EPC1: variants seen among roughly 807,000 people sequenced by gnomAD.
The protein encoded by EPC1 is enhancer of polycomb 1.
EPC1 carries 12 observed loss-of-function variants against 98.4 expected under a neutral mutation model. The ratio of observed to expected loss-of-function variants is 0.12; its 90% CI spans 0.08 to 0.20. EPC1 has a LOEUF of 0.20. Ranked by LOEUF, EPC1 falls within the 10% of genes least tolerant of loss-of-function variation. The pLI is 1.00. For synonymous variants in EPC1, 357 were observed against 363.9 expected, an observed-to-expected ratio of 0.98 and a Z score of 0.21; for missense variants, 729 against 990.5, an observed-to-expected ratio of 0.74 and a Z score of 3.54.
In EPC1 at chr10:32,364,142, G is replaced by A. The variant is rs183574076; in HGVS notation, c.3+14349C>T. ...TGATTCTCCTGTCTTAGCCTCCCAA[G>A]TAGATAGGATTACAGGTGCCCACCA... On this transcript the variant is annotated intron_variant, in intron 1 of 13. Transcript: ENST00000375110. Among the ~76,000 whole-genome samples, 306 of 149,690 alleles carry A rather than the reference G, an allele frequency of 2.0e-3. 2 individuals carry two copies. Among genetic ancestry groups the A allele is most frequent in the African/African-American group, 7.1e-3 (290 of 40,850 alleles).
chr10:32,330,329 C>G (rs1837567882), intron 1 of EPC1, among the ~76,000 whole-genome samples: 1 of 152,142 alleles, frequency 6.6e-6, no homozygotes, highest in African/African-American at 2.4e-5. Context: ...CTTTTGCTAG[C>G]CTGTCTACAC....
chr10:32,373,846 T>C lies in EPC1; in HGVS notation c.3+4645A>G, dbSNP rs1839816066. ...TATTGAACCAAACCTAGAACTCACT[T>C]GCCACCTGATTACATATTTAGTTGA... On this transcript the variant is annotated intron_variant, in intron 1 of 13. Coordinates refer to the EPC1 transcript ENST00000375110. 2.0e-5 allele frequency among the ~76,000 whole-genome samples: 3 copies of C among 152,230 alleles called. 1 individual carries two copies. In the South Asian group the frequency reaches 6.2e-4, roughly 32 times the overall value.
intron 1 of EPC1, among the ~76,000 whole-genome samples, chr10:32,330,052 A>C (rs1319770213): frequency 3.9e-5 from 6 of 152,226 alleles, no homozygotes; most frequent in Non-Finnish European, 8.8e-5. Flanking sequence ...AAAAGGACAT[A>C]GGAGCCAGAT....
intron 6 of EPC1, among the ~76,000 whole-genome samples, chr10:32,290,501 A>AG (rs1316605796): frequency 1.7e-4 from 6 of 36,226 alleles, no homozygotes; most frequent in African/African-American, 6.2e-4. Context: ...AAAAAAAAAA[A>AG]AAAAAAAGAA....
intron 1 of EPC1, among the ~76,000 whole-genome samples, chr10:32,314,421 T>C (rs1836434586): frequency 6.6e-6 from 1 of 152,228 alleles, no homozygotes; most frequent in African/African-American, 2.4e-5. Context: ...GCCTGCCTAG[T>C]GCAATAGAAG....
At chr10:32,327,396 G>A (rs74128065) in intron 1 of EPC1, among the ~76,000 whole-genome samples, 2,943 of 152,262 alleles carry the variant, frequency 0.019, 104 homozygotes, top group African/African-American at 0.067. Flanking sequence ...GGACAGTAGA[G>A]TGACTATTGC....
chr10:32,309,062 C>T (rs1157297655), intron 1 of EPC1, among the ~76,000 whole-genome samples: 1 of 152,068 alleles, frequency 6.6e-6, no homozygotes, highest in Non-Finnish European at 1.5e-5. Flanking sequence ...TATTCTCGCT[C>T]ATTATGTGGG....
intron 1 of EPC1, among the ~76,000 whole-genome samples, chr10:32,323,552 T>C (rs1837068792): frequency 6.6e-6 from 1 of 152,210 alleles, no homozygotes; most frequent in Non-Finnish European, 1.5e-5. Flanking sequence ...TATCTAAGTA[T>C]ATAAAAGATA....
At chr10:32,319,479 C>A (rs990129223) in intron 1 of EPC1, among the ~76,000 whole-genome samples, 1 of 152,122 alleles carries the variant, frequency 6.6e-6, no homozygotes, top group Non-Finnish European at 1.5e-5. Flanking sequence ...CAGTGAGGTG[C>A]AGATGCATCT....
chr10:32,328,278 G>A (rs1305227680), intron 1 of EPC1, among the ~76,000 whole-genome samples: 3 of 152,110 alleles, frequency 2.0e-5, no homozygotes, highest in Non-Finnish European at 4.4e-5. Context: ...AATGCTCTGA[G>A]GAAAAGAAAA....
In EPC1 at chr10:32,271,614, G is replaced by A; in HGVS notation, c.2309C>T (p.Ala770Val). The A allele has an allele frequency of 6.2e-7, 1 of 1,614,204 alleles. No homozygotes were observed. Among genetic ancestry groups the A allele is most frequent in the South Asian group, 1.1e-5 (1 of 91,086 alleles). Residue 770 changes from alanine (A) to valine (V), a missense_variant, in exon 13 of 14, where the codon GCT (alanine) becomes GTT (valine). Transcript: ENST00000319778. ...CTTGGAAACTTGACAGTTTGCTGCAGCGGCCAGCTTTAAGGCAGATGATGG... is the reference window on the plus strand; with the variant it reads ...CTTGGAAACTTGACAGTTTGCTGCAACGGCCAGCTTTAAGGCAGATGATGG... The part of the protein sequence containing the change: ...AVPSSALKLA[A>V]AANCQVSKVP...
At chr10:32,341,719 A>G (rs2133035915) in intron 1 of EPC1, among the ~76,000 whole-genome samples, 1 of 152,324 alleles carries the variant, frequency 6.6e-6, no homozygotes, top group East Asian at 1.9e-4. Context: ...TTCTGTATTC[A>G]AGAATCCTTA....
intron 8 of EPC1, 40 bp downstream of exon 8, chr10:32,286,886 G>T (rs1335892540): frequency 6.2e-7 from 1 of 1,610,572 alleles, no homozygotes; most frequent in Non-Finnish European, 8.5e-7. Flanking sequence ...TCAGTTAAAG[G>T]TAAATAGTTT....
chr10:32,360,934 G>A (rs1461017567), intron 1 of EPC1, among the ~76,000 whole-genome samples: 1 of 151,830 alleles, frequency 6.6e-6, no homozygotes, highest in Non-Finnish European at 1.5e-5. Context: ...AATCAATGTG[G>A]TCTCTCTAAC....
At chr10:32,349,418 T>C (rs1839046345), upstream of EPC1, among the ~76,000 whole-genome samples, 1 of 152,202 alleles carries the variant, frequency 6.6e-6, no homozygotes, top group East Asian at 1.9e-4. Context: ...CAGATTCACT[T>C]GCCTTTTGGC....
intron 11 of EPC1, 131 bp from the exon 12 acceptor site, chr10:32,272,298 G>A (rs1261998909): frequency 1.0e-5 from 7 of 689,016 alleles, no homozygotes; most frequent in African/African-American, 1.8e-5. Context: ...TTTCTATTTT[G>A]GTACCTTGAG....
chr10:32,301,295 T>A (rs996258973), intron 2 of EPC1, among the ~76,000 whole-genome samples: 47 of 152,308 alleles, frequency 3.1e-4, no homozygotes, highest in African/African-American at 1.1e-3. Context: ...ACCTGAATAC[T>A]TCAAGTGTCA....
chr10:32,309,364 T>A (rs1836063882), intron 1 of EPC1, among the ~76,000 whole-genome samples: 1 of 152,190 alleles, frequency 6.6e-6, no homozygotes, highest in African/African-American at 2.4e-5. Context: ...ACACATTGTA[T>A]GCCCCTATCA....
At chr10:32,373,592 A>G (rs1177330164) in intron 1 of EPC1, among the ~76,000 whole-genome samples, 5 of 152,150 alleles carry the variant, frequency 3.3e-5, no homozygotes, top group Non-Finnish European at 7.4e-5. Flanking sequence ...AACCTGGCCA[A>G]TGAGCTCTAA....
Sources: allele counts gnomAD v4.1 joint callset (sites outside exome capture counted in the v4.1 genomes callset), GRCh38; gene constraint gnomAD v4.1.1; transcripts MANE v1.5; gene names NCBI Gene and HGNC (gene_info 2026-07-23, HGNC 2026-07-21).